The following PRKG1 variants were observed in gnomAD, a reference collection of about 807,000 sequenced individuals.
The protein encoded by PRKG1 is cGMP-dependent protein kinase 1.
Under a neutral mutation model 88.1 loss-of-function variants are expected in PRKG1, and 35 were observed. That is an observed-to-expected ratio of 0.40 (90% CI 0.30 to 0.53). The LOEUF (loss-of-function observed/expected upper bound fraction) is 0.53. PRKG1 is among the 20% of genes least tolerant of loss of function. The pLI, the probability that PRKG1 is intolerant of heterozygous loss-of-function variation, is 0.59. For missense variants in PRKG1, 540 were observed against 839.8 expected (o/e 0.64, Z 4.41); for synonymous variants, 303 against 292.5 (o/e 1.04, Z -0.37).
rs138058593 is a variant in PRKG1 at position 51,747,228 on chromosome 10, A to G, written c.593-57357A>G. Among the ~76,000 whole-genome samples, 29 of 152,286 alleles carry G rather than the reference A, an allele frequency of 1.9e-4. No homozygotes were observed. The East Asian group carries it at 2.9e-3, about 15-fold the overall frequency. On this transcript the variant is annotated intron_variant, in intron 3 of 17. Coordinates refer to ENST00000373980, the MANE Select transcript of PRKG1 (RefSeq NM_006258.4). ...CACCTGCAGTTCACAGTTATTATCA[A>G]CTCAGACTGAAAATGTGCAGGTGCT...
chr10:51,458,842 A>G (rs1839663180), intron 2 of PRKG1, among the ~76,000 whole-genome samples: 1 of 152,170 alleles, frequency 6.6e-6, no homozygotes, highest in African/African-American at 2.4e-5. Context: ...TCAACCAAAC[A>G]TGGATCGAAA....
intron 1 of PRKG1, among the ~76,000 whole-genome samples, chr10:51,101,806 T>C (rs1303740083): frequency 6.6e-6 from 1 of 152,192 alleles, no homozygotes; most frequent in Non-Finnish European, 1.5e-5. Flanking sequence ...GGATTTTTGT[T>C]GTTCAACTTC....
intron 9 of PRKG1, among the ~76,000 whole-genome samples, chr10:52,201,729 C>T (rs1011153397): frequency 2.6e-5 from 4 of 151,916 alleles, no homozygotes; most frequent in East Asian, 3.9e-4. Flanking sequence ...TGATTTCTTT[C>T]GGCAGTGTTG....
rs73337283 is a variant in PRKG1, at chr10:51,951,911, A to G, written c.762+44341A>G. Among the ~76,000 whole-genome samples, 674 of 152,312 alleles carry G rather than the reference A, an allele frequency of 4.4e-3. 4 individuals carry two copies. Among genetic ancestry groups the G allele is most frequent in the African/African-American group, 0.016 (655 of 41,570 alleles). ...ATTTTTTACTGTTTGAAAATAATCAAAAGAAGAGTAATAGTTCATGCCACA... is the reference window on the plus strand; with the variant it reads ...ATTTTTTACTGTTTGAAAATAATCAGAAGAAGAGTAATAGTTCATGCCACA... On this transcript the variant is annotated intron_variant, in intron 5 of 17. Coordinates refer to ENST00000373980, the MANE Select transcript of PRKG1 (RefSeq NM_006258.4).
chr10:52,080,135 A>G (rs947330866), intron 7 of PRKG1, among the ~76,000 whole-genome samples: 1 of 152,228 alleles, frequency 6.6e-6, no homozygotes, highest in Non-Finnish European at 1.5e-5. Flanking sequence ...CTCAAGAAAT[A>G]TGGATTATAA....
chr10:51,418,062 T>A (rs1341930800), intron 2 of PRKG1, among the ~76,000 whole-genome samples: 3 of 152,230 alleles, frequency 2.0e-5, no homozygotes, highest in Non-Finnish European at 4.4e-5. Context: ...TTTATCGTTT[T>A]TATTCTTCTA....
At chr10:51,687,127 A>G (rs1237675768) in intron 3 of PRKG1, among the ~76,000 whole-genome samples, 4 of 152,114 alleles carry the variant, frequency 2.6e-5, no homozygotes, top group Non-Finnish European at 5.9e-5. Context: ...GAGTTCACTC[A>G]TTTAAGGCCA....
intron 2 of PRKG1, among the ~76,000 whole-genome samples, chr10:51,423,483 AT>A (rs113903059): frequency 0.015 from 2,250 of 151,558 alleles, 50 homozygotes; most frequent in African/African-American, 0.051. Flanking sequence ...CATTCTGATG[AT>A]TTTTTTTCTC....
At chr10:51,686,715 G>A (rs940652339) in intron 3 of PRKG1, among the ~76,000 whole-genome samples, 1 of 152,088 alleles carries the variant, frequency 6.6e-6, no homozygotes, top group African/African-American at 2.4e-5. Context: ...AGATTCTTAA[G>A]TTCCCAATTT....
chr10:52,210,364 C>T (rs1286942396), intron 9 of PRKG1, among the ~76,000 whole-genome samples: 3 of 151,852 alleles, frequency 2.0e-5, no homozygotes, highest in African/African-American at 4.8e-5. Context: ...GTCACAGCTG[C>T]ACCCTCCTAT....
At chr10:51,126,935 T>C (rs1845441337) in intron 1 of PRKG1, among the ~76,000 whole-genome samples, 1 of 152,154 alleles carries the variant, frequency 6.6e-6, no homozygotes, top group East Asian at 1.9e-4. Context: ...TTGGACCCTT[T>C]CCTTACACCT....
At chr10:51,431,651 G>T (rs1322261005) in intron 2 of PRKG1, among the ~76,000 whole-genome samples, 2 of 152,124 alleles carry the variant, frequency 1.3e-5, no homozygotes, top group South Asian at 2.1e-4. Context: ...TCTATCCTCA[G>T]TTGGGGGGCT....
chr10:51,109,886 T>A (rs2131895091), intron 1 of PRKG1, among the ~76,000 whole-genome samples: 1 of 152,108 alleles, frequency 6.6e-6, no homozygotes, highest in African/African-American at 2.4e-5. Flanking sequence ...AACCTCAAAA[T>A]TCAAAAAGAA....
chr10:51,572,889 A>T lies in PRKG1; in HGVS notation c.592+105053A>T, dbSNP rs117040426. Among the ~76,000 whole-genome samples, 1,246 of 151,912 alleles carry T rather than the reference A, an allele frequency of 8.2e-3. 8 individuals carry two copies. Among genetic ancestry groups the T allele is most frequent in the Non-Finnish European group, 0.011 (779 of 67,848 alleles). Reference sequence around the variant, plus strand: ...TAGAATTGAGGGGAGTAAGAATTAAACTCAACTGTGTCCACGTATACCAAA... The same window carrying T: ...TAGAATTGAGGGGAGTAAGAATTAATCTCAACTGTGTCCACGTATACCAAA... On this transcript the variant is annotated intron_variant, in intron 3 of 17. Transcript: ENST00000373980.
At chr10:51,064,242 A>C (rs1189011588) in intron 1 of PRKG1, among the ~76,000 whole-genome samples, 1 of 152,104 alleles carries the variant, frequency 6.6e-6, no homozygotes, top group Non-Finnish European at 1.5e-5. Context: ...GATTAGGTAT[A>C]TTGATGACTG....
At chr10:52,251,051 T>G (rs1254403763) in intron 9 of PRKG1, among the ~76,000 whole-genome samples, 1 of 152,096 alleles carries the variant, frequency 6.6e-6, no homozygotes, top group Non-Finnish European at 1.5e-5. Flanking sequence ...TCGGATCTGT[T>G]TTCATAAAAC....
intron 5 of PRKG1, among the ~76,000 whole-genome samples, chr10:51,924,063 A>C (rs1842520840): frequency 6.6e-6 from 1 of 151,998 alleles, no homozygotes. Flanking sequence ...TCCTGGATGT[A>C]AGCAATCTTC....
chr10:51,293,264 A>C (rs1382818109), intron 2 of PRKG1, among the ~76,000 whole-genome samples: 1 of 152,126 alleles, frequency 6.6e-6, no homozygotes, highest in Non-Finnish European at 1.5e-5. Flanking sequence ...TACACAATAC[A>C]TTATTGTTAA....
At chr10:51,799,023 C>G (rs568667113) in intron 3 of PRKG1, among the ~76,000 whole-genome samples, 2 of 152,136 alleles carry the variant, frequency 1.3e-5, no homozygotes, top group African/African-American at 4.8e-5. Flanking sequence ...TCATCTACCT[C>G]TCTAGCTTCT....
Sources: gnomAD v4.1 joint callset for allele counts (sites outside exome capture counted in the v4.1 genomes callset) on GRCh38, gnomAD v4.1.1 for gene constraint, MANE v1.5 for transcripts, NCBI Gene and HGNC (gene_info 2026-07-23, HGNC 2026-07-21) for gene names.